KNDC1: variants seen among roughly 807,000 people sequenced by gnomAD.
KNDC1 encodes the protein kinase non-catalytic C-lobe domain containing 1, also known as kinase non-catalytic C-lobe domain-containing protein 1.
KNDC1 carries 106 observed loss-of-function variants against 172.8 expected under a neutral mutation model. The observed-to-expected ratio is 0.61, with a 90% CI of 0.52 to 0.72. The LOEUF (loss-of-function observed/expected upper bound fraction) is 0.72, where lower values mean the gene tolerates loss of function less well. Among genes scored for constraint, KNDC1 ranks in the 30% least tolerant of loss-of-function variants. The pLI is 0.00. For synonymous variants in KNDC1, 1,083 were observed against 1,062.2 expected (o/e 1.02, Z -0.38); for missense variants, 2,325 against 2,394.5 (o/e 0.97, Z 0.61).
chr10:133,204,867 G>A (rs1389126548), intron 17 of KNDC1, among the ~76,000 whole-genome samples: 1 of 152,052 alleles, frequency 6.6e-6, no homozygotes, highest in Non-Finnish European at 1.5e-5. Context: ...GAGGCTGCGG[G>A]CCGAGGGCTG....
chr10:133,222,381 C>T lies in KNDC1; in HGVS notation c.5018+2269C>T, dbSNP rs115380997. Among the ~76,000 whole-genome samples, 152 of 152,280 alleles carry T rather than the reference C, an allele frequency of 1.0e-3. 1 individual carries two copies. Among genetic ancestry groups the T allele is most frequent in the African/African-American group, 3.6e-3 (150 of 41,528 alleles). On this transcript the variant is annotated intron_variant, in intron 29 of 29. Coordinates refer to ENST00000304613, the MANE Select transcript of KNDC1 (RefSeq NM_152643.8). ...AGCGTCCACGTGCGTATGTGAGCGC[C>T]TCCAGATCTGCCCTTCTCAGCATCC...
At chr10:133,177,616 GCA>G (rs1853581724) in intron 3 of KNDC1, among the ~76,000 whole-genome samples, 1 of 152,034 alleles carries the variant, frequency 6.6e-6, no homozygotes. Context: ...GCATGTGCAT[GCA>G]CATAGTGTGT....
chr10:133,184,034 C>A, intron 5 of KNDC1, 45 bp downstream of exon 5: 1 of 1,130,056 alleles, frequency 8.8e-7, no homozygotes, highest in Non-Finnish European at 1.3e-6. Context: ...GCACATATAC[C>A]TGTGTGCCAT....
chr10:133,218,017 G>A (rs1402178530), intron 26 of KNDC1, among the ~76,000 whole-genome samples: 12 of 149,288 alleles, frequency 8.0e-5, no homozygotes, highest in African/African-American at 3.0e-4. Context: ...CCGAGATCGC[G>A]CCACTGCACT....
At chr10:133,197,280 G>A in intron 11 of KNDC1, 145 bp downstream of exon 11, 1 of 674,706 alleles carries the variant, frequency 1.5e-6, no homozygotes, top group Non-Finnish European at 2.6e-6. Context: ...TGCATCTGGG[G>A]GTGCAGGGGG....
At chr10:133,190,872 C>T (rs1168850340) in intron 9 of KNDC1, among the ~76,000 whole-genome samples, 26 of 152,198 alleles carry the variant, frequency 1.7e-4, no homozygotes, top group Non-Finnish European at 2.9e-5. Context: ...ACAAAAACCG[C>T]GTCCGTGAGG....
At chr10:133,195,964 C>A in intron 10 of KNDC1, 143 bp downstream of exon 10, 1 of 875,194 alleles carries the variant, frequency 1.1e-6, no homozygotes, top group Non-Finnish European at 1.7e-6. Flanking sequence ...GTCCCTGTTT[C>A]TAGACGTCGG....
Position 133,183,480 on chromosome 10 carries a change from C to A in KNDC1, c.497C>A (p.Pro166Gln). Reference sequence around the variant, plus strand: ...CAGGCGGAGGACCCCGGGGACCGGCCGGACCTTGAGGTAAGCGAGGCTGCC... The same window carrying A: ...CAGGCGGAGGACCCCGGGGACCGGCAGGACCTTGAGGTAAGCGAGGCTGCC... ...RMQAEDPGDR[P>Q]DLESIIALCE... The change falls in exon 4 of 30, where the codon CCG becomes CAG. Residue 166 changes from proline (P) to glutamine (Q), a missense_variant. Physicochemically the swap from Pro to Gln is moderately conservative, Grantham distance 76. Coordinates refer to ENST00000304613, the MANE Select transcript of KNDC1 (RefSeq NM_152643.8). 6.2e-7 allele frequency: 1 copy of A among 1,602,824 alleles called. No individual in the cohort carries two copies. Among genetic ancestry groups the A allele is most frequent in the Non-Finnish European group, 8.5e-7 (1 of 1,177,184 alleles).
chr10:133,176,935 C>T (rs773277356), intron 3 of KNDC1, among the ~76,000 whole-genome samples: 32 of 152,224 alleles, frequency 2.1e-4, no homozygotes, highest in South Asian at 1.4e-3. Context: ...TGCAGACGTG[C>T]CCTAGCTGGC....
At chr10:133,204,869 C>T (rs1453962065) in intron 17 of KNDC1, among the ~76,000 whole-genome samples, 1 of 152,130 alleles carries the variant, frequency 6.6e-6, no homozygotes, top group Admixed American at 6.5e-5. Flanking sequence ...GGCTGCGGGC[C>T]GAGGGCTGCC....
intron 3 of KNDC1, among the ~76,000 whole-genome samples, chr10:133,169,408 G>A (rs768371433): frequency 6.6e-5 from 10 of 152,214 alleles, no homozygotes; most frequent in Non-Finnish European, 1.2e-4. Flanking sequence ...TGCAGTGAGC[G>A]GAGATGGCAC....
chr10:133,199,404 C>T, intron 14 of KNDC1, 54 bp from the exon 15 acceptor site: 2 of 1,595,676 alleles, frequency 1.3e-6, no homozygotes, highest in Non-Finnish European at 1.7e-6. Context: ...ACAAGGGAAC[C>T]AGATGAGCAG....
chr10:133,207,016 G>C (rs1318289941), intron 19 of KNDC1, 63 bp downstream of exon 19: 1 of 1,554,678 alleles, frequency 6.4e-7, no homozygotes, highest in Non-Finnish European at 8.9e-7. Flanking sequence ...GCCTCCCACT[G>C]TTGGATGCTG....
rs556509539 is a variant in KNDC1 at position 133,164,780 on chromosome 10, G to A, written c.103-2601G>A. ...ACTACAGGACGCCCAGATAGCTCCC[G>A]ACCTTGAGGGTGGTCGTGGGGTTGT... is the stretch of plus-strand genomic sequence containing the variant. On this transcript the variant is annotated intron_variant, in intron 1 of 29. Coordinates refer to ENST00000304613, the MANE Select transcript of KNDC1 (RefSeq NM_152643.8). Among the ~76,000 whole-genome samples, 159 of 152,308 alleles carry A rather than the reference G, an allele frequency of 1.0e-3. 1 individual carries two copies. Among genetic ancestry groups the A allele is most frequent in the African/African-American group, 2.6e-3 (109 of 41,576 alleles).
At chr10:133,214,316 G>A (rs955512049) in intron 26 of KNDC1, among the ~76,000 whole-genome samples, 194 bp downstream of exon 26, 2 of 152,186 alleles carry the variant, frequency 1.3e-5, no homozygotes, top group South Asian at 2.1e-4. Context: ...GAGGAGGGGG[G>A]TCAGCCGCCC....
intron 15 of KNDC1, 72 bp downstream of exon 15, chr10:133,199,674 C>A: frequency 6.5e-7 from 1 of 1,544,054 alleles, no homozygotes; most frequent in Non-Finnish European, 8.8e-7. Context: ...TGCTGCCTGA[C>A]CCGGGCCCAG....
chr10:133,167,498 A>G lies in KNDC1; in HGVS notation c.220A>G (p.Ile74Val), dbSNP rs749549815. The part of the protein sequence containing the change: ...LSMRSVAHAA[I>V]FQSLCITPDT... ...CATGCGGAGCGTGGCCCACGCCGCC[A>G]TCTTCCAGAGCCTGTGCATCACGCC... Residue 74 changes from isoleucine (I) to valine (V), a missense_variant, in exon 2 of 30, where the codon ATC (isoleucine) becomes GTC (valine). Transcript: ENST00000304613. 2 of 1,605,680 alleles carry G rather than the reference A, an allele frequency of 1.2e-6. No individual in the cohort carries two copies. The highest frequency in any genetic ancestry group is 1.3e-5 in the African/African-American group (1 of 74,944).
intron 10 of KNDC1, among the ~76,000 whole-genome samples, chr10:133,196,065 A>G (rs996219563): frequency 1.3e-5 from 2 of 152,162 alleles, no homozygotes; most frequent in Non-Finnish European, 2.9e-5. Context: ...GCTCCCCACC[A>G]TGGCCGTTCC....
intron 3 of KNDC1, among the ~76,000 whole-genome samples, chr10:133,180,004 C>T (rs1286145793): frequency 6.6e-5 from 10 of 152,226 alleles, no homozygotes; most frequent in Non-Finnish European, 7.3e-5. Flanking sequence ...GACGCCTGCC[C>T]GTGGTCCAGC....
Sources: allele counts gnomAD v4.1 joint callset (sites outside exome capture counted in the v4.1 genomes callset), GRCh38; gene constraint gnomAD v4.1.1; transcripts MANE v1.5; gene names NCBI Gene and HGNC (gene_info 2026-07-23, HGNC 2026-07-21).